TBC1D8: variants seen among roughly 807,000 people sequenced by gnomAD.
The protein encoded by TBC1D8 is TBC1 domain family member 8.
TBC1D8 carries 65 observed loss-of-function variants against 118.8 expected under a neutral mutation model. The observed-to-expected ratio is 0.55, with a 90% CI of 0.45 to 0.67. The LOEUF is 0.67. Among genes scored for constraint, TBC1D8 ranks in the 30% least tolerant of loss-of-function variants. TBC1D8 has a pLI of 0.00. For synonymous variants in TBC1D8, 566 were observed against 595.8 expected (o/e 0.95, Z 0.73); for missense variants, 1,376 against 1,471.2 (o/e 0.94, Z 1.06).
At chr2:101,033,992 T>C (rs931331868) in intron 9 of TBC1D8, among the ~76,000 whole-genome samples, 5 of 152,070 alleles carry the variant, frequency 3.3e-5, no homozygotes, top group Admixed American at 3.3e-4. Flanking sequence ...GGTGAAACCC[T>C]GTCTCTACTA....
intron 2 of TBC1D8, among the ~76,000 whole-genome samples, chr2:101,083,534 T>C (rs1386016789): frequency 1.3e-5 from 2 of 152,178 alleles, no homozygotes; most frequent in Non-Finnish European, 2.9e-5. Flanking sequence ...TAGGAATTCA[T>C]TTCTCCTTCC....
At chr2:101,010,892 A>C in intron 19 of TBC1D8, 37 bp downstream of exon 19, 1 of 1,577,852 alleles carries the variant, frequency 6.3e-7, no homozygotes, top group Non-Finnish European at 8.6e-7. Flanking sequence ...AAAAAAAAAA[A>C]AAAAAGTTAA....
chr2:101,125,206 C>T (rs1161801256), intron 1 of TBC1D8, among the ~76,000 whole-genome samples: 4 of 152,096 alleles, frequency 2.6e-5, no homozygotes, highest in Admixed American at 6.5e-5. Context: ...AGGGGGCACC[C>T]GGGGCCAGGG....
intron 3 of TBC1D8, among the ~76,000 whole-genome samples, chr2:101,057,020 T>G (rs1682477874): frequency 2.0e-5 from 3 of 152,172 alleles, no homozygotes; most frequent in Admixed American, 2.0e-4. Context: ...CCCTGCCTCC[T>G]CAGGAATTAT....
chr2:101,032,493 G>T (rs1053319649), intron 10 of TBC1D8, 108 bp from the exon 11 acceptor site: 7 of 870,672 alleles, frequency 8.0e-6, no homozygotes, highest in African/African-American at 1.7e-5. Context: ...TTTCATAGGT[G>T]AGAGATCCAG....
intron 1 of TBC1D8, among the ~76,000 whole-genome samples, chr2:101,128,431 C>T (rs1394635095): frequency 6.6e-6 from 1 of 152,184 alleles, no homozygotes; most frequent in Non-Finnish European, 1.5e-5. Context: ...GCCAGGGGCC[C>T]ATGACTGGGG....
At chr2:101,042,888 C>G (rs968793745) in intron 5 of TBC1D8, among the ~76,000 whole-genome samples, 1 of 152,182 alleles carries the variant, frequency 6.6e-6, no homozygotes, top group African/African-American at 2.4e-5. Flanking sequence ...TTTTCAGGCA[C>G]GATCTGGTTG....
At chr2:101,110,089 T>G (rs1677499946) in intron 1 of TBC1D8, 1 of 909,590 alleles carries the variant, frequency 1.1e-6, no homozygotes, top group Non-Finnish European at 1.3e-6. Context: ...AGATGTCAAG[T>G]GACAAGTTTT....
intron 13 of TBC1D8, 68 bp from the exon 14 acceptor site, chr2:101,028,214 C>T: frequency 6.2e-7 from 1 of 1,600,952 alleles, no homozygotes; most frequent in Non-Finnish European, 8.5e-7. Context: ...AGGAAGTGGC[C>T]CAGGAACCTC....
In TBC1D8 at chr2:101,147,077, CCG is replaced by C. The variant is rs567463785; in HGVS notation, c.127+4048_127+4049del. ...CCTGTAATCCCAGTGCTTTGAGAGG[CCG>C]AGGCCGAGGCCGAGGCAGGAGGATG... is the stretch of plus-strand genomic sequence containing the variant. On this transcript the variant is annotated intron_variant, in intron 1 of 19. Transcript: ENST00000409318. 9.3e-3 allele frequency among the ~76,000 whole-genome samples: 189 copies of C among 20,306 alleles called. 1 individual carries two copies. The highest frequency in any genetic ancestry group is 0.064 in the African/African-American group (178 of 2,764). The allele number at this position is 20,306 out of a possible 152,430, so 13.3% of individuals were successfully genotyped here. A position where few individuals can be genotyped will look rare whatever the true frequency, so the allele number is the denominator to read the frequency against.
At chr2:101,027,183 A>G (rs1680385549) in intron 15 of TBC1D8, among the ~76,000 whole-genome samples, 200 bp downstream of exon 15, 1 of 152,170 alleles carries the variant, frequency 6.6e-6, no homozygotes, top group Admixed American at 6.5e-5. Context: ...CCCTCCTCCC[A>G]TGTTCTAGGG....
chr2:101,087,095 T>C (rs1228872493), intron 2 of TBC1D8, among the ~76,000 whole-genome samples: 1 of 152,104 alleles, frequency 6.6e-6, no homozygotes, highest in East Asian at 1.9e-4. Flanking sequence ...AATTTCATCA[T>C]GTTTTAAGAA....
chr2:101,011,015 C>A lies in TBC1D8; in HGVS notation c.2929G>T (p.Asp977Tyr). The change falls in exon 19 of 20, where the codon GAT becomes TAT. Residue 977 changes from aspartate (D) to tyrosine (Y), a missense_variant. Transcript: ENST00000409318. ...ATCTGCTTCAGCTGTTTCTGATAAT[C>A]AACTGCATCACCTTGAAACAAAGGA... is the stretch of plus-strand genomic sequence containing the variant. Reference protein sequence around the residue: ...VFGKPNGDAVDYQKQLKQMIK... With the variant: ...VFGKPNGDAVYYQKQLKQMIK... 1 of 1,612,242 alleles carries A rather than the reference C, an allele frequency of 6.2e-7. No individual in the cohort carries two copies. Among genetic ancestry groups the A allele is most frequent in the South Asian group, 1.1e-5 (1 of 91,050 alleles).
intron 15 of TBC1D8, chr2:101,023,673 C>G: frequency 2.4e-6 from 1 of 414,584 alleles, no homozygotes; most frequent in South Asian, 1.8e-5. Flanking sequence ...TGAAAACTAA[C>G]AAAACCGGCC....
intron 8 of TBC1D8, among the ~76,000 whole-genome samples, chr2:101,036,587 A>G (rs968704358): frequency 3.3e-5 from 5 of 152,140 alleles, no homozygotes; most frequent in African/African-American, 1.2e-4. Context: ...GGCAAAGGGG[A>G]GTACAGGGGC....
At chr2:101,044,790 C>G (rs1483087156) in intron 5 of TBC1D8, among the ~76,000 whole-genome samples, 3 of 152,130 alleles carry the variant, frequency 2.0e-5, no homozygotes, top group Non-Finnish European at 4.4e-5. Context: ...ACTCTGTTGC[C>G]CAGGCTGGAG....
chr2:101,145,588 A>C (rs939717430), intron 1 of TBC1D8, among the ~76,000 whole-genome samples: 1 of 152,184 alleles, frequency 6.6e-6, no homozygotes, highest in African/African-American at 2.4e-5. Flanking sequence ...TCAGTTTCCA[A>C]CCTTCTGATA....
chr2:101,088,252 T>A (rs1319638326), intron 2 of TBC1D8, among the ~76,000 whole-genome samples: 1 of 152,114 alleles, frequency 6.6e-6, no homozygotes, highest in Non-Finnish European at 1.5e-5. Context: ...TTCTTTGTAT[T>A]TTTCAGTTAG....
chr2:101,064,235 G>C (rs141781556), intron 2 of TBC1D8, among the ~76,000 whole-genome samples: 1 of 152,142 alleles, frequency 6.6e-6, no homozygotes, highest in Admixed American at 6.5e-5. Flanking sequence ...TATAAGAAGA[G>C]ACACCGGGGA....
Sources: allele counts gnomAD v4.1 joint callset (sites outside exome capture counted in the v4.1 genomes callset), GRCh38; gene constraint gnomAD v4.1.1; transcripts MANE v1.5; gene names NCBI Gene and HGNC (gene_info 2026-07-23, HGNC 2026-07-21).